The following FARP1 variants were observed in gnomAD, a reference collection of about 807,000 sequenced individuals.
The protein encoded by FARP1 is FERM, ARH/RhoGEF and pleckstrin domain protein 1, also known as FERM, ARHGEF and pleckstrin domain-containing protein 1.
FARP1 carries 52 observed loss-of-function variants against 128.8 expected under a neutral mutation model. That is an observed-to-expected ratio of 0.40 (90% CI 0.32 to 0.51). FARP1 has a LOEUF of 0.51. FARP1 is among the 20% of genes least tolerant of loss of function. FARP1 has a pLI of 0.45. For missense variants in FARP1, 1,333 were observed against 1,367.9 expected, an observed-to-expected ratio of 0.97 and a Z score of 0.40; for synonymous variants, 580 against 551.8, an observed-to-expected ratio of 1.05 and a Z score of -0.72.
chr13:98,418,643 T>C (rs1275562552), intron 16 of FARP1, among the ~76,000 whole-genome samples: 1 of 152,222 alleles, frequency 6.6e-6, no homozygotes, highest in Non-Finnish European at 1.5e-5. Context: ...CGTGACTATA[T>C]AGCTCACAGT....
At chr13:98,280,500 G>C (rs1227226980) in intron 2 of FARP1, among the ~76,000 whole-genome samples, 1 of 151,888 alleles carries the variant, frequency 6.6e-6, no homozygotes, top group Non-Finnish European at 1.5e-5. Context: ...CCAGCTCTCT[G>C]TCTGCTCCTG....
chr13:98,438,946 CG>C (rs1185211487), intron 20 of FARP1, 74 bp downstream of exon 20: 1 of 1,546,932 alleles, frequency 6.5e-7, no homozygotes, highest in African/African-American at 1.4e-5. Flanking sequence ...GGCCGGACCT[CG>C]GCCACCCAAG....
At chr13:98,213,554 A>C in intron 2 of FARP1, 141 bp downstream of exon 2, 6 of 820,380 alleles carry the variant, frequency 7.3e-6, no homozygotes, top group South Asian at 1.8e-5. Context: ...CCGCCCCCCA[A>C]TGGCCCCGCT....
At chr13:98,168,565 G>A (rs1877442443) in intron 1 of FARP1, among the ~76,000 whole-genome samples, 1 of 152,182 alleles carries the variant, frequency 6.6e-6, no homozygotes, top group African/African-American at 2.4e-5. Context: ...CTACTGGGGG[G>A]GTTCCCCTTG....
chr13:98,384,003 A>G (rs1324310621), intron 6 of FARP1: 1 of 152,248 alleles, frequency 6.6e-6, no homozygotes, highest in East Asian at 1.9e-4. Flanking sequence ...TGCACTAGTC[A>G]TTGCTAATAT....
chr13:98,289,578 A>G (rs1885353699), intron 2 of FARP1, among the ~76,000 whole-genome samples: 1 of 152,186 alleles, frequency 6.6e-6, no homozygotes, highest in African/African-American at 2.4e-5. Flanking sequence ...ATCTCATGCA[A>G]GGCATCCGGG....
intron 2 of FARP1, among the ~76,000 whole-genome samples, chr13:98,312,864 C>T (rs1314628629): frequency 6.6e-6 from 1 of 152,120 alleles, no homozygotes; most frequent in East Asian, 1.9e-4. Context: ...GAGGTCTTTA[C>T]AGTGCGGCTT....
Position 98,176,883 on chromosome 13 carries a change from G to A in FARP1, c.-24+33391G>A, listed in dbSNP as rs376046437. Reference sequence around the variant, plus strand: ...TGGTCGGCGTATGGTGCTCCTTCTCGGTGTCCTGCTCGAAGTCAGCGGTGG... The same window carrying A: ...TGGTCGGCGTATGGTGCTCCTTCTCAGTGTCCTGCTCGAAGTCAGCGGTGG... On this transcript the variant is annotated intron_variant, in intron 1 of 26. Coordinates refer to ENST00000319562, the MANE Select transcript of FARP1 (RefSeq NM_005766.4). This position sits in a 1 kb window ranked among gnomAD's most constrained non-coding sequence, Gnocchi z 6.2. 1.2e-6 allele frequency: 2 copies of A among 1,607,190 alleles called. No individual in the cohort carries two copies. Among genetic ancestry groups the A allele is most frequent in the Non-Finnish European group, 1.7e-6 (2 of 1,179,964 alleles).
chr13:98,405,750 C>A (rs907477926), intron 13 of FARP1: 15 of 152,196 alleles, frequency 9.9e-5, no homozygotes, highest in African/African-American at 3.6e-4. Context: ...AGGGTCCCCC[C>A]AAATTATTTA....
At chr13:98,411,620 C>T (rs556812834) in intron 15 of FARP1, among the ~76,000 whole-genome samples, 1 of 152,146 alleles carries the variant, frequency 6.6e-6, no homozygotes, top group Admixed American at 6.5e-5. Context: ...GGTTTTGATT[C>T]GAGTAGTTCC....
rs1354942866 is a variant in FARP1 at position 98,453,345 on chromosome 13, T to C, written c.*5028T>C. ...AAAATAAGTGGAGCAAATATCAATGTGTAAGTCTAATTTTAAAAGAATGCA... is the reference window on the plus strand; with the variant it reads ...AAAATAAGTGGAGCAAATATCAATGCGTAAGTCTAATTTTAAAAGAATGCA... On this transcript the variant is annotated 3_prime_UTR_variant, in exon 27 of 27. Transcript: ENST00000319562. 2 of 843,072 alleles carry C rather than the reference T, an allele frequency of 2.4e-6. No homozygotes were observed. Among genetic ancestry groups the C allele is most frequent in the East Asian group, 2.5e-5 (1 of 39,676 alleles). 52.2% of individuals were successfully genotyped at this position (843,072 alleles called of 1,614,324 possible).
At chr13:98,254,107 G>A (rs1883478260) in intron 2 of FARP1, among the ~76,000 whole-genome samples, 1 of 152,172 alleles carries the variant, frequency 6.6e-6, no homozygotes, top group South Asian at 2.1e-4. Flanking sequence ...GAGTTTCCGG[G>A]CAAAGTGATA....
At chr13:98,293,893 C>T (rs1396930889) in intron 2 of FARP1, among the ~76,000 whole-genome samples, 1 of 152,158 alleles carries the variant, frequency 6.6e-6, no homozygotes, top group African/African-American at 2.4e-5. Context: ...ATTGAGTCAA[C>T]AAATCTTTTG....
chr13:98,394,206 C>T (rs1566949140), intron 12 of FARP1, among the ~76,000 whole-genome samples: 1 of 152,212 alleles, frequency 6.6e-6, no homozygotes, highest in Admixed American at 6.5e-5. Context: ...CATTATCACT[C>T]TTGCTCTGAG....
chr13:98,367,754 T>G (rs1889158248), intron 4 of FARP1, among the ~76,000 whole-genome samples: 1 of 152,232 alleles, frequency 6.6e-6, no homozygotes, highest in African/African-American at 2.4e-5. Flanking sequence ...TATAATGAAT[T>G]GCATAACTGA....
At chr13:98,299,409 G>T (rs1885831589) in intron 2 of FARP1, among the ~76,000 whole-genome samples, 1 of 152,204 alleles carries the variant, frequency 6.6e-6, no homozygotes. Flanking sequence ...ATGGGGCCCA[G>T]CAGGCGAAAT....
intron 26 of FARP1, chr13:98,447,567 C>T (rs1892928985): frequency 1.3e-5 from 2 of 152,564 alleles, no homozygotes; most frequent in Admixed American, 6.5e-5. Context: ...CATCCCTGGC[C>T]ACCCACTAGA....
intron 19 of FARP1, among the ~76,000 whole-genome samples, chr13:98,438,108 T>C (rs1055243532): frequency 1.3e-5 from 2 of 152,104 alleles, no homozygotes; most frequent in Admixed American, 1.3e-4. Context: ...AAAATGATCA[T>C]TTTTTTGTTT....
chr13:98,176,079 A>G lies in FARP1; in HGVS notation c.-24+32587A>G, dbSNP rs1877992306. On this transcript the variant is annotated intron_variant, in intron 1 of 26. Transcript: ENST00000319562. The surrounding 1 kb of genome is among the most constrained non-coding windows in gnomAD (Gnocchi z 6.2). Reference sequence around the variant, plus strand: ...AATTCTTTTGGTTACATACTCAGGCATGGGATTGCAGGAAGACTGTCATCT... The same window carrying G: ...AATTCTTTTGGTTACATACTCAGGCGTGGGATTGCAGGAAGACTGTCATCT... The G allele has an allele frequency of 3.4e-6, 4 of 1,184,520 alleles. No individual in the cohort carries two copies. The highest frequency in any genetic ancestry group is 5.0e-6 in the Non-Finnish European group (4 of 801,590). 73.4% of individuals were successfully genotyped at this position (1,184,520 alleles called of 1,614,324 possible). A position where few individuals can be genotyped will look rare whatever the true frequency, so the allele number is the denominator to read the frequency against.
Sources: gnomAD v4.1 joint callset for allele counts (sites outside exome capture counted in the v4.1 genomes callset) on GRCh38, gnomAD v4.1.1 for gene constraint, Gnocchi (gnomAD v3.1) non-coding constraint, MANE v1.5 for transcripts, NCBI Gene and HGNC (gene_info 2026-07-23, HGNC 2026-07-21) for gene names.